The following VAV3 variants were observed in gnomAD, a reference collection of about 807,000 sequenced individuals.
VAV3 encodes the protein vav guanine nucleotide exchange factor 3, also known as guanine nucleotide exchange factor VAV3.
A neutral mutation model predicts 131.2 loss-of-function variants in VAV3; 94 were observed. That is an observed-to-expected ratio of 0.72 (90% CI 0.61 to 0.85). VAV3 has a LOEUF of 0.85. Among genes scored for constraint, VAV3 ranks in the 40% least tolerant of loss-of-function variants. The pLI is 0.00. For synonymous variants in VAV3, 349 were observed against 342.0 expected (o/e 1.02, Z -0.22); for missense variants, 939 against 1,002.7 (o/e 0.94, Z 0.86).
At chr1:107,946,268 C>T (rs937265992) in intron 1 of VAV3, among the ~76,000 whole-genome samples, 1 of 152,144 alleles carries the variant, frequency 6.6e-6, no homozygotes, top group South Asian at 2.1e-4. Flanking sequence ...ACTATAAACA[C>T]CCTGCAATAA....
intron 19 of VAV3, among the ~76,000 whole-genome samples, chr1:107,652,049 A>C (rs1468624130): frequency 6.6e-6 from 1 of 152,164 alleles, no homozygotes; most frequent in Non-Finnish European, 1.5e-5. Flanking sequence ...AATAAGGCTG[A>C]CACCTAGTGG....
intron 2 of VAV3, among the ~76,000 whole-genome samples, chr1:107,814,134 G>C (rs1244366145): frequency 6.6e-6 from 1 of 152,044 alleles, no homozygotes; most frequent in African/African-American, 2.4e-5. Context: ...GTATTCCTTT[G>C]ATATACTTTT....
chr1:107,814,118 G>A (rs746561587), intron 2 of VAV3, among the ~76,000 whole-genome samples: 1 of 152,034 alleles, frequency 6.6e-6, no homozygotes, highest in African/African-American at 2.4e-5. Flanking sequence ...ACACATGGGG[G>A]TGCAGGTATT....
intron 20 of VAV3, among the ~76,000 whole-genome samples, chr1:107,634,861 A>G (rs1436712391): frequency 6.6e-6 from 1 of 152,134 alleles, no homozygotes; most frequent in African/African-American, 2.4e-5. Flanking sequence ...TGAAAGACAC[A>G]TGAAAAAATG....
chr1:107,751,629 T>C (rs531326737), intron 12 of VAV3, among the ~76,000 whole-genome samples: 183 of 148,012 alleles, frequency 1.2e-3, no homozygotes, highest in African/African-American at 4.4e-3. Context: ...CACAGAAGCA[T>C]GCAATTACAA....
intron 25 of VAV3, among the ~76,000 whole-genome samples, chr1:107,574,656 C>T (rs562463408): frequency 3.9e-5 from 6 of 152,258 alleles, no homozygotes; most frequent in South Asian, 2.1e-4. Context: ...CTCAAAACAA[C>T]GAAATATTTT....
intron 1 of VAV3, among the ~76,000 whole-genome samples, chr1:107,905,919 A>G (rs1359699314): frequency 6.6e-6 from 1 of 152,210 alleles, no homozygotes; most frequent in Non-Finnish European, 1.5e-5. Context: ...TGTAAACACT[A>G]GATAAAAGCT....
At chr1:107,869,208 A>G (rs1297683359) in intron 2 of VAV3, among the ~76,000 whole-genome samples, 2 of 152,208 alleles carry the variant, frequency 1.3e-5, no homozygotes, top group Non-Finnish European at 2.9e-5. Context: ...TGTAATTAAG[A>G]AAGAGGAAAG....
chr1:107,841,755 G>C (rs1208048984), intron 2 of VAV3, among the ~76,000 whole-genome samples: 2 of 152,024 alleles, frequency 1.3e-5, no homozygotes, highest in Non-Finnish European at 2.9e-5. Flanking sequence ...TTAGACACTT[G>C]AAATGAGGCT....
At chr1:107,824,002 T>C (rs1450470025) in intron 2 of VAV3, among the ~76,000 whole-genome samples, 1 of 152,182 alleles carries the variant, frequency 6.6e-6, no homozygotes, top group Non-Finnish European at 1.5e-5. Context: ...CTGTGGTATT[T>C]TGTTACGGCA....
intron 2 of VAV3, among the ~76,000 whole-genome samples, chr1:107,802,251 T>A (rs938547598): frequency 6.6e-6 from 1 of 152,060 alleles, no homozygotes; most frequent in African/African-American, 2.4e-5. Context: ...AGGGTTTTTT[T>A]TGTGGACTCT....
chr1:107,683,437 A>G (rs1658786010), intron 19 of VAV3, 51 bp downstream of exon 19: 3 of 1,601,132 alleles, frequency 1.9e-6, no homozygotes, highest in Non-Finnish European at 2.6e-6. Flanking sequence ...ATATCCTTTC[A>G]TAAGCACTTA....
intron 1 of VAV3, among the ~76,000 whole-genome samples, chr1:107,897,500 A>G (rs888747532): frequency 3.3e-5 from 5 of 151,978 alleles, no homozygotes; most frequent in Admixed American, 1.3e-4. Context: ...CCACGAGGGA[A>G]GGAAAAGGAG....
intron 1 of VAV3, among the ~76,000 whole-genome samples, chr1:107,955,544 G>A (rs1674767714): frequency 1.3e-5 from 2 of 152,100 alleles, no homozygotes; most frequent in Non-Finnish European, 2.9e-5. Context: ...AAGAAATGCT[G>A]CATTCTACCA....
Position 107,602,417 on chromosome 1 carries a change from T to C in VAV3, c.2200A>G (p.Arg734Gly). Reference sequence around the variant, plus strand: ...CTTACCATTAAACTTTTAAATTTTCTATTTTCTGCAATGTGAAAAAAGCCA... The same window carrying C: ...CTTACCATTAAACTTTTAAATTTTCCATTTTCTGCAATGTGAAAAAAGCCA... ...RDGFFHIAEN[R>G]KFKSLMELVE... Residue 734 changes from arginine to glycine, a missense_variant, in exon 24 of 27, where the codon AGA becomes GGA. By Grantham distance (125) the Arg-to-Gly change is moderately radical (BLOSUM62 -2). Coordinates refer to ENST00000370056, the MANE Select transcript of VAV3 (RefSeq NM_006113.5). The C allele has an allele frequency of 6.4e-7, 1 of 1,572,942 alleles. No individual in the cohort carries two copies. The highest frequency in any genetic ancestry group is 1.2e-5 in the South Asian group (1 of 83,916).
At chr1:107,584,971 T>A (rs2101024739) in intron 25 of VAV3, among the ~76,000 whole-genome samples, 1 of 152,302 alleles carries the variant, frequency 6.6e-6, no homozygotes, top group African/African-American at 2.4e-5. Flanking sequence ...GGAGATATAA[T>A]GAATAGGTAC....
intron 25 of VAV3, among the ~76,000 whole-genome samples, chr1:107,590,336 C>A (rs1318059579): frequency 6.6e-6 from 1 of 152,176 alleles, no homozygotes; most frequent in Non-Finnish European, 1.5e-5. Context: ...TCTTATTTAG[C>A]CCCTTCTGAG....
chr1:107,610,745 T>C (rs975902833), intron 21 of VAV3, among the ~76,000 whole-genome samples: 1 of 152,202 alleles, frequency 6.6e-6, no homozygotes, highest in Admixed American at 6.5e-5. Flanking sequence ...AAAGCAGGTA[T>C]ATTAATGTTA....
At chr1:107,773,623 G>T (rs1407840376) in intron 4 of VAV3, among the ~76,000 whole-genome samples, 1 of 152,152 alleles carries the variant, frequency 6.6e-6, no homozygotes, top group African/African-American at 2.4e-5. Flanking sequence ...GGTGAACACT[G>T]AGAATAAGGG....
Sources: gnomAD v4.1 joint callset for allele counts (sites outside exome capture counted in the v4.1 genomes callset) on GRCh38, gnomAD v4.1.1 for gene constraint, MANE v1.5 for transcripts, NCBI Gene and HGNC (gene_info 2026-07-23, HGNC 2026-07-21) for gene names.